MPP7: variants seen among roughly 807,000 people sequenced by gnomAD.
MPP7 encodes MAGUK p55 subfamily member 7.
A neutral mutation model predicts 76.5 loss-of-function variants in MPP7; 60 were observed. The observed-to-expected ratio is 0.78, with a 90% CI of 0.64 to 0.97. MPP7 has a LOEUF of 0.97. Ranked by LOEUF, MPP7 falls within the 50% of genes least tolerant of loss-of-function variation. The pLI, the probability that MPP7 is intolerant of heterozygous loss-of-function variation, is 0.00. For missense variants in MPP7, 641 were observed against 694.0 expected, an observed-to-expected ratio of 0.92 and a Z score of 0.86; for synonymous variants, 237 against 244.5, an observed-to-expected ratio of 0.97 and a Z score of 0.29.
chr10:28,054,291 C>T (rs1417985774), intron 16 of MPP7, 47 bp from the exon 17 acceptor site: 5 of 1,119,256 alleles, frequency 4.5e-6, no homozygotes, highest in Non-Finnish European at 6.5e-6. Context: ...CAGGCCATTA[C>T]CTCACTTCAT....
At chr10:28,068,382 A>G (rs1236563216) in intron 13 of MPP7, among the ~76,000 whole-genome samples, 3 of 152,184 alleles carry the variant, frequency 2.0e-5, no homozygotes, top group African/African-American at 7.2e-5. Flanking sequence ...TTCCAAAACT[A>G]GAGAACATCG....
Position 28,059,738 on chromosome 10 carries a change from T to C in MPP7, c.1210A>G (p.Thr404Ala), listed in dbSNP as rs777074350. 6.2e-7 allele frequency: 1 copy of C among 1,609,368 alleles called. No individual in the cohort carries two copies. The change falls in exon 14 of 17, where the codon ACC (threonine) becomes GCC (alanine). Residue 404 changes from threonine (T) to alanine (A), a missense_variant. Thr to Ala is a moderately conservative substitution (Grantham distance 58). Coordinates refer to ENST00000683449, the MANE Select transcript of MPP7 (RefSeq NM_001318170.2). The stretch of plus-strand genomic sequence containing the variant: ...CTCTCCTGGCTTCTTCTTGCTCTGG[T>C]GGTATCTATGATTTAATGAAAAGGA... Reference protein sequence around the residue: ...QHYGVTVPHTTRARRSQESDG... With the variant: ...QHYGVTVPHTARARRSQESDG...
intron 2 of MPP7, among the ~76,000 whole-genome samples, chr10:28,235,310 T>A (rs1468810107): frequency 6.6e-6 from 1 of 151,292 alleles, no homozygotes. Context: ...GAATTTACCA[T>A]ACTAATGTAA....
At chr10:28,199,617 CT>C (rs150157698) in intron 3 of MPP7, among the ~76,000 whole-genome samples, 3 of 150,988 alleles carry the variant, frequency 2.0e-5, no homozygotes, top group Non-Finnish European at 3.0e-5. Context: ...TGCCCCCAAA[CT>C]TTTTTTTTAA....
intron 2 of MPP7, chr10:28,203,099 T>C (rs1837834706): frequency 6.6e-6 from 1 of 152,182 alleles, no homozygotes; most frequent in Admixed American, 6.5e-5. Flanking sequence ...CAGGAGTCAA[T>C]ATCAACTCAT....
intron 1 of MPP7, among the ~76,000 whole-genome samples, chr10:28,259,545 C>T (rs1160478872): frequency 6.6e-6 from 1 of 151,092 alleles, no homozygotes; most frequent in Admixed American, 6.6e-5. Context: ...CGAGATTGCA[C>T]CACTGCACTC....
At chr10:28,117,301 A>G (rs60436039) in intron 11 of MPP7, among the ~76,000 whole-genome samples, 238 of 152,258 alleles carry the variant, frequency 1.6e-3, no homozygotes, top group African/African-American at 5.4e-3. Flanking sequence ...TGTAAAAATT[A>G]GTGGATAAAG....
chr10:28,202,088 G>A, intron 3 of MPP7, 65 bp downstream of exon 3: 1 of 1,093,232 alleles, frequency 9.1e-7, no homozygotes, highest in South Asian at 1.3e-5. Context: ...TGGTTTACTT[G>A]GTGGTGCCCC....
chr10:28,331,678 G>A (rs889486608), intron 1 of MPP7, among the ~76,000 whole-genome samples: 2 of 151,974 alleles, frequency 1.3e-5, no homozygotes, highest in African/African-American at 2.4e-5. Context: ...GGGTTCAAGC[G>A]ATTCTTGTGC....
chr10:28,321,010 G>A (rs1188186843), intron 2 of MPP7, among the ~76,000 whole-genome samples: 8 of 152,008 alleles, frequency 5.3e-5, no homozygotes, highest in African/African-American at 1.4e-4. Flanking sequence ...GACAATGCGC[G>A]GTGCTTGGAG....
chr10:28,290,870 T>C (rs1370585867), intron 1 of MPP7, among the ~76,000 whole-genome samples: 4 of 152,216 alleles, frequency 2.6e-5, no homozygotes, highest in African/African-American at 7.2e-5. Flanking sequence ...ATTACTGATA[T>C]GAATTGAACT....
intron 1 of MPP7, among the ~76,000 whole-genome samples, chr10:28,333,993 G>A (rs1589051432): frequency 6.6e-6 from 1 of 152,120 alleles, no homozygotes; most frequent in East Asian, 1.9e-4. Flanking sequence ...AGGAGTTCGA[G>A]ATCAGCCTGG....
At chr10:28,103,354 T>C (rs760245896) in intron 11 of MPP7, among the ~76,000 whole-genome samples, 3 of 151,196 alleles carry the variant, frequency 2.0e-5, no homozygotes, top group Non-Finnish European at 4.4e-5. Context: ...ACATGGATCC[T>C]GTCTTGGGGC....
intron 1 of MPP7, among the ~76,000 whole-genome samples, chr10:28,269,185 G>A (rs1254140254): frequency 6.6e-6 from 1 of 152,196 alleles, no homozygotes; most frequent in African/African-American, 2.4e-5. Flanking sequence ...ACCTTTGGGA[G>A]AGGCAGGTGA....
intron 1 of MPP7, among the ~76,000 whole-genome samples, chr10:28,290,908 C>T (rs546418085): frequency 1.3e-5 from 2 of 152,310 alleles, no homozygotes; most frequent in Admixed American, 1.3e-4. Flanking sequence ...CACACTCATA[C>T]AGATATGAAT....
intron 1 of MPP7, among the ~76,000 whole-genome samples, chr10:28,239,385 C>G (rs1839191863): frequency 6.6e-6 from 1 of 151,792 alleles, no homozygotes; most frequent in South Asian, 2.1e-4. Context: ...GACCTCAGGT[C>G]ATATGCCCGC....
chr10:28,228,495 G>A (rs1467908574), intron 2 of MPP7, among the ~76,000 whole-genome samples: 1 of 152,212 alleles, frequency 6.6e-6, no homozygotes, highest in South Asian at 2.1e-4. Context: ...GCCAGGCACA[G>A]TGGCTCACAC....
intron 3 of MPP7, among the ~76,000 whole-genome samples, chr10:28,157,506 C>A (rs979556451): frequency 2.0e-5 from 3 of 152,212 alleles, no homozygotes; most frequent in African/African-American, 4.8e-5. Context: ...TACCCAGCAA[C>A]CATAAACTGG....
At chr10:28,174,839 T>C (rs1214712449) in intron 3 of MPP7, among the ~76,000 whole-genome samples, 2 of 152,178 alleles carry the variant, frequency 1.3e-5, no homozygotes, top group African/African-American at 2.4e-5. Context: ...AAAATGTCCA[T>C]CGACAGTTGA....
Sources: gnomAD v4.1 joint callset for allele counts (sites outside exome capture counted in the v4.1 genomes callset) on GRCh38, gnomAD v4.1.1 for gene constraint, MANE v1.5 for transcripts, NCBI Gene and HGNC (gene_info 2026-07-23, HGNC 2026-07-21) for gene names.